The following ECE1 variants were observed in gnomAD, a reference collection of about 807,000 sequenced individuals.
ECE1 encodes the protein endothelin converting enzyme 1, also known as endothelin-converting enzyme 1.
A neutral mutation model predicts 98.6 loss-of-function variants in ECE1; 35 were observed. The observed-to-expected ratio is 0.35, with a 90% confidence interval of 0.27 to 0.47. The LOEUF is 0.47. ECE1 is among the 20% of genes least tolerant of loss of function. The pLI is 1.00. For synonymous variants in ECE1, 394 were observed against 407.1 expected (o/e 0.97, Z 0.39); for missense variants, 814 against 1,025.3 (o/e 0.79, Z 2.81).
At chr1:21,300,340 TAA>T (rs984842968) in intron 1 of ECE1, among the ~76,000 whole-genome samples, 3 of 152,128 alleles carry the variant, frequency 2.0e-5, no homozygotes, top group Admixed American at 2.0e-4. Flanking sequence ...TCCTCACCTC[TAA>T]GAGAGGGATG....
At chr1:21,341,247 G>C (rs1316510245) in intron 1 of ECE1, among the ~76,000 whole-genome samples, 1 of 152,206 alleles carries the variant, frequency 6.6e-6, no homozygotes, top group Non-Finnish European at 1.5e-5. Context: ...GGGAGAGAGA[G>C]ACCTATCAGT....
At position 21,233,463 on chromosome 1, in the gene ECE1, G is replaced by A; in HGVS notation, c.1670+95C>T. On this transcript the variant is annotated intron_variant, in intron 14 of 18. Coordinates refer to ENST00000374893, the MANE Select transcript of ECE1 (RefSeq NM_001397.3). The surrounding 1 kb of genome is among the most constrained non-coding windows in gnomAD (Gnocchi z 4.0). ...GACGGCTCTCGTGATAGCTGATCGG[G>A]TGCACAGTGAGGGTGCAATGAAGGC... 1.8e-6 allele frequency: 2 copies of A among 1,083,098 alleles called. No homozygotes were observed. The highest frequency in any genetic ancestry group is 2.8e-6 in the Non-Finnish European group (2 of 716,180). The allele number at this position is 1,083,098 out of a possible 1,614,324, so 67.1% of individuals were successfully genotyped here.
At chr1:21,222,513 G>A (rs755244192) in intron 17 of ECE1, among the ~76,000 whole-genome samples, 56 of 152,064 alleles carry the variant, frequency 3.7e-4, no homozygotes, top group Non-Finnish European at 6.2e-4. Context: ...AATGGTCACC[G>A]CTGCAATGAC....
intron 4 of ECE1, among the ~76,000 whole-genome samples, chr1:21,264,788 G>T (rs1368504667): frequency 1.3e-5 from 2 of 152,192 alleles, no homozygotes; most frequent in African/African-American, 4.8e-5. Context: ...ATTTCATGGA[G>T]GCGTAATGAT....
rs375359776 is a variant in ECE1 at position 21,257,755 on chromosome 1, C to T, written c.763-165G>A. Among the ~76,000 whole-genome samples the T allele has an allele frequency of 3.7e-4, 56 of 152,018 alleles. 1 individual carries two copies. The highest frequency in any genetic ancestry group is 1.3e-3 in the African/African-American group (52 of 41,532). Reference sequence around the variant, plus strand: ...AGTCACTGAGAAGCCCACTCAGGGACGGGATGACACATTCCTGCCTGTCCA... The same window carrying T: ...AGTCACTGAGAAGCCCACTCAGGGATGGGATGACACATTCCTGCCTGTCCA... On this transcript the variant is annotated intron_variant, in intron 6 of 18. Coordinates refer to ENST00000374893, the MANE Select transcript of ECE1 (RefSeq NM_001397.3).
intron 2 of ECE1, among the ~76,000 whole-genome samples, chr1:21,280,689 G>A (rs1045557040): frequency 1.3e-5 from 2 of 152,220 alleles, no homozygotes; most frequent in African/African-American, 4.8e-5. Context: ...AACAGCCTGA[G>A]GGGTGCCCCT....
At chr1:21,283,331 A>G (rs2098257107) in intron 2 of ECE1, among the ~76,000 whole-genome samples, 1 of 150,178 alleles carries the variant, frequency 6.7e-6, no homozygotes, top group Non-Finnish European at 1.5e-5. Context: ...AGTGCAGTGG[A>G]GAGGTCTCTG....
intron 1 of ECE1, among the ~76,000 whole-genome samples, chr1:21,296,779 G>A (rs979504036): frequency 2.0e-5 from 3 of 152,160 alleles, no homozygotes; most frequent in Non-Finnish European, 4.4e-5. Flanking sequence ...CTCCTACCCG[G>A]GGCCTGGCTC....
At chr1:21,278,929 G>A (rs575959482) in intron 3 of ECE1, among the ~76,000 whole-genome samples, 1 of 152,306 alleles carries the variant, frequency 6.6e-6, no homozygotes, top group East Asian at 1.9e-4. Flanking sequence ...CACAGGCTGA[G>A]GGAATAAGTG....
intron 1 of ECE1, chr1:21,298,512 G>T (rs1558421634): frequency 9.0e-6 from 3 of 332,448 alleles, no homozygotes; most frequent in Admixed American, 3.8e-5. Flanking sequence ...GACCCCAAAG[G>T]ATCCTTACAC....
At position 21,340,766 on chromosome 1, in the gene ECE1, G is replaced by C. The variant is rs1639383066; in HGVS notation, c.3+4610C>G. ...GAGAATCACTTGAACCAGGGAGGCT[G>C]AGGCTGCAGTGAGCTGAGATTGCAC... On this transcript the variant is annotated intron_variant, in intron 1 of 18. Coordinates refer to the ECE1 transcript ENST00000415912. This position sits in a 1 kb window ranked among gnomAD's most constrained non-coding sequence, Gnocchi z 4.6. Among the ~76,000 whole-genome samples the C allele has an allele frequency of 6.6e-6, 1 of 152,178 alleles. No homozygotes were observed. Among genetic ancestry groups the C allele is most frequent in the South Asian group, 2.1e-4 (1 of 4,834 alleles).
rs988127842 is a variant in ECE1 at position 21,322,663 on chromosome 1, C to G, written c.3+22713G>C. ...AGGGGTTGGAAGTTGATCTAACCAC[C>G]TAGCTGGGGAAAAGGACAAGAAAAC... On this transcript the variant is annotated intron_variant, in intron 1 of 18. Transcript: ENST00000415912. The surrounding 1 kb of genome is among the most constrained non-coding windows in gnomAD (Gnocchi z 4.1). 1.3e-5 allele frequency among the ~76,000 whole-genome samples: 2 copies of G among 152,144 alleles called. No individual in the cohort carries two copies. Among genetic ancestry groups the G allele is most frequent in the South Asian group, 4.1e-4 (2 of 4,832 alleles).
chr1:21,342,778 C>G (rs530502363), intron 1 of ECE1, among the ~76,000 whole-genome samples: 5 of 152,126 alleles, frequency 3.3e-5, no homozygotes, highest in Non-Finnish European at 7.4e-5. Context: ...TGATCAGTCC[C>G]GAATCACCCC....
chr1:21,301,223 G>A (rs544475615), intron 1 of ECE1, among the ~76,000 whole-genome samples: 4 of 152,290 alleles, frequency 2.6e-5, no homozygotes, highest in South Asian at 2.1e-4. Flanking sequence ...GGCCGGGCGC[G>A]GTGGCTCACA....
chr1:21,279,285 C>T lies in ECE1; in HGVS notation c.186G>A (p.Arg62=), dbSNP rs779287474. Residue 62 remains arginine (R), a synonymous_variant, in exon 3 of 19, where the codon CGG becomes CGA. Transcript: ENST00000374893. ...PRSGQRCWAA[R]TQVEKRLVVL... ...CCACCAGCCGCTTCTCCACCTGGGT[C>T]CGTGCAGCCCAGCACCTCTGGCCAC... 6 of 1,614,090 alleles carry T rather than the reference C, an allele frequency of 3.7e-6. No homozygotes were observed. Among genetic ancestry groups the T allele is most frequent in the East Asian group, 4.5e-5 (2 of 44,900 alleles).
intron 4 of ECE1, among the ~76,000 whole-genome samples, chr1:21,267,996 G>A (rs1029210973): frequency 6.6e-6 from 1 of 152,202 alleles, no homozygotes; most frequent in Non-Finnish European, 1.5e-5. Flanking sequence ...AATCTGTGTT[G>A]CTTGAATTGT....
chr1:21,343,392 G>A (rs925439562), intron 1 of ECE1, among the ~76,000 whole-genome samples: 13 of 152,186 alleles, frequency 8.5e-5, no homozygotes, highest in African/African-American at 3.1e-4. Context: ...CAGCAAATAG[G>A]TGGCCTCTGT....
At chr1:21,262,410 G>A (rs2103299387) in intron 4 of ECE1, among the ~76,000 whole-genome samples, 1 of 152,290 alleles carries the variant, frequency 6.6e-6, no homozygotes, top group East Asian at 1.9e-4. Context: ...CCCTCCCAGG[G>A]GCCTCGTTCC....
intron 15 of ECE1, 119 bp downstream of exon 15, chr1:21,227,812 A>T (rs1447728037): frequency 5.2e-6 from 4 of 775,206 alleles, no homozygotes; most frequent in Non-Finnish European, 6.3e-6. Flanking sequence ...AACATCTCTG[A>T]CATCTGCAAC....
Sources: gnomAD v4.1 joint callset for allele counts (sites outside exome capture counted in the v4.1 genomes callset) on GRCh38, gnomAD v4.1.1 for gene constraint, Gnocchi (gnomAD v3.1) non-coding constraint, MANE v1.5 for transcripts, NCBI Gene and HGNC (gene_info 2026-07-23, HGNC 2026-07-21) for gene names.